SLC30A8: variants seen among roughly 807,000 people sequenced by gnomAD.
SLC30A8 encodes the protein solute carrier family 30 member 8, also known as proton-coupled zinc antiporter SLC30A8.
Under a neutral mutation model 36.9 loss-of-function variants are expected in SLC30A8, and 27 were observed. The ratio of observed to expected loss-of-function variants is 0.73; its 90% CI spans 0.54 to 1.01. The LOEUF is 1.01. Among genes scored for constraint, SLC30A8 ranks in the 50% least tolerant of loss-of-function variants. The pLI, the probability that SLC30A8 is intolerant of heterozygous loss-of-function variation, is 0.00. For synonymous variants in SLC30A8, 164 were observed against 172.4 expected (o/e 0.95, Z 0.38); for missense variants, 439 against 452.0 (o/e 0.97, Z 0.26).
intron 6 of SLC30A8, 33 bp downstream of exon 6, chr8:117,163,563 A>T: frequency 6.7e-7 from 1 of 1,500,066 alleles, no homozygotes; most frequent in Non-Finnish European, 9.2e-7. Context: ...TCCCAGAGTC[A>T]GTGTTTTCTC....
At chr8:117,148,821 C>A (rs1342642815) in intron 2 of SLC30A8, among the ~76,000 whole-genome samples, 1 of 151,996 alleles carries the variant, frequency 6.6e-6, no homozygotes, top group East Asian at 1.9e-4. Flanking sequence ...TGCAGTCCAC[C>A]GTTTTTCATG....
intron 1 of SLC30A8, among the ~76,000 whole-genome samples, chr8:116,987,959 A>G (rs1202262652): frequency 6.6e-6 from 1 of 152,206 alleles, no homozygotes; most frequent in Admixed American, 6.5e-5. Flanking sequence ...TTGGCCTCCC[A>G]AAGTGCTGGG....
chr8:117,173,809 G>C lies in SLC30A8; in HGVS notation c.*1128G>C. On this transcript the variant is annotated 3_prime_UTR_variant, in exon 8 of 8. Coordinates refer to ENST00000456015, the MANE Select transcript of SLC30A8 (RefSeq NM_173851.3). ...GTCAACCACAGGAGTTCATTGAGTG[G>C]GACAGCTAGACACATACATTGGCAG... 6.6e-6 allele frequency: 1 copy of C among 152,120 alleles called. No individual in the cohort carries two copies. Among genetic ancestry groups the C allele is most frequent in the East Asian group, 1.9e-4 (1 of 5,172 alleles). 9.4% of individuals were successfully genotyped at this position (152,120 alleles called of 1,614,324 possible).
At chr8:117,143,498 A>T (rs1457287178) in intron 1 of SLC30A8, among the ~76,000 whole-genome samples, 1 of 152,164 alleles carries the variant, frequency 6.6e-6, no homozygotes, top group African/African-American at 2.4e-5. Context: ...CTTAAAATTC[A>T]CATCATTGTT....
At chr8:117,103,596 T>G (rs1309835017) in intron 2 of SLC30A8, among the ~76,000 whole-genome samples, 1 of 152,174 alleles carries the variant, frequency 6.6e-6, no homozygotes, top group Admixed American at 6.5e-5. Flanking sequence ...TGCCTCACCT[T>G]CCCAAGTAGC....
At chr8:117,067,677 T>C (rs1818210745) in intron 2 of SLC30A8, among the ~76,000 whole-genome samples, 1 of 152,176 alleles carries the variant, frequency 6.6e-6, no homozygotes, top group Admixed American at 6.5e-5. Flanking sequence ...GCTGTTCAGT[T>C]TTTTGTTGAT....
chr8:117,104,880 C>G (rs556515832), intron 2 of SLC30A8, among the ~76,000 whole-genome samples: 7 of 152,212 alleles, frequency 4.6e-5, no homozygotes, highest in Admixed American at 1.3e-4. Flanking sequence ...ACTGGGGGTT[C>G]CTTCCCCTTT....
At chr8:117,131,413 C>T (rs964331343), upstream of SLC30A8, among the ~76,000 whole-genome samples, 3 of 151,962 alleles carry the variant, frequency 2.0e-5, no homozygotes, top group African/African-American at 7.2e-5. Context: ...AGTCCAGAAT[C>T]TTTAGTGGGT....
At chr8:117,024,797 T>C (rs1341731212) in intron 1 of SLC30A8, among the ~76,000 whole-genome samples, 1 of 152,204 alleles carries the variant, frequency 6.6e-6, no homozygotes, top group African/African-American at 2.4e-5. Flanking sequence ...TATTTGTTTT[T>C]TTTAATTTTT....
At chr8:117,076,608 G>A (rs866055753) in intron 2 of SLC30A8, among the ~76,000 whole-genome samples, 1 of 152,128 alleles carries the variant, frequency 6.6e-6, no homozygotes. Context: ...AACACAGGAA[G>A]TATTCCTTTC....
In SLC30A8 at chr8:116,962,362, A is replaced by T. The variant is rs530859182; in HGVS notation, c.-266+11243A>T. Among the ~76,000 whole-genome samples the T allele has an allele frequency of 1.1e-3, 171 of 152,138 alleles. 2 individuals are homozygous for T. The highest frequency in any genetic ancestry group is 1.9e-3 in the Non-Finnish European group (130 of 67,960). ...TGCCAAGAAAAGCCATGCCACCTGCATATAAAAAATGATTATGTTAATGCT... is the reference window on the plus strand; with the variant it reads ...TGCCAAGAAAAGCCATGCCACCTGCTTATAAAAAATGATTATGTTAATGCT... On this transcript the variant is annotated intron_variant, in intron 1 of 10. Coordinates refer to the SLC30A8 transcript ENST00000427715.
intron 1 of SLC30A8, among the ~76,000 whole-genome samples, chr8:117,034,805 A>C (rs1817161353): frequency 6.6e-6 from 1 of 152,208 alleles, no homozygotes; most frequent in Non-Finnish European, 1.5e-5. Flanking sequence ...AGTCCTCAGG[A>C]AACTCACAAT....
intron 2 of SLC30A8, among the ~76,000 whole-genome samples, chr8:117,068,943 C>T (rs1033444849): frequency 1.3e-5 from 2 of 152,098 alleles, no homozygotes; most frequent in Non-Finnish European, 2.9e-5. Flanking sequence ...CTCTCTCTCA[C>T]CTTTAACTGT....
In SLC30A8 at chr8:117,157,860, G is replaced by A; in HGVS notation, c.572+16G>A. 6.2e-7 allele frequency: 1 copy of A among 1,613,398 alleles called. No homozygotes were observed. Among genetic ancestry groups the A allele is most frequent in the African/African-American group, 1.3e-5 (1 of 75,000 alleles). On this transcript the variant is annotated intron_variant, in intron 4 of 7. Coordinates refer to ENST00000456015, the MANE Select transcript of SLC30A8 (RefSeq NM_173851.3). ...CCAACATTGTGTAAGTCATCCCCTG[G>A]TCCCCACACACTGCTCATGAGGCTC...
intron 1 of SLC30A8, among the ~76,000 whole-genome samples, chr8:117,002,416 A>G (rs1470870779): frequency 6.6e-6 from 1 of 152,174 alleles, no homozygotes; most frequent in Non-Finnish European, 1.5e-5. Flanking sequence ...TAGAACTGAC[A>G]ACCTGTATTC....
chr8:117,080,417 G>A (rs2130810848), intron 2 of SLC30A8, among the ~76,000 whole-genome samples: 1 of 152,148 alleles, frequency 6.6e-6, no homozygotes, highest in Middle Eastern at 3.4e-3. Context: ...ACTGTGTGAT[G>A]CTGTGGTTTG....
At chr8:117,138,075 A>AG (rs1426455101) in intron 1 of SLC30A8, among the ~76,000 whole-genome samples, 78 of 148,182 alleles carry the variant, frequency 5.3e-4, no homozygotes, top group East Asian at 1.8e-3. Context: ...AAAAAAAAAA[A>AG]AAAAAGAAAA....
intron 1 of SLC30A8, among the ~76,000 whole-genome samples, chr8:116,953,180 C>T (rs1003252564): frequency 2.0e-5 from 3 of 152,184 alleles, no homozygotes; most frequent in African/African-American, 7.2e-5. Flanking sequence ...CAGCTGCATC[C>T]ATGTTGCTGC....
chr8:117,011,726 C>T (rs1816350294), intron 1 of SLC30A8, among the ~76,000 whole-genome samples: 1 of 152,170 alleles, frequency 6.6e-6, no homozygotes, highest in Non-Finnish European at 1.5e-5. Flanking sequence ...ACTCAATCCT[C>T]CAAAACTTCT....
Sources: allele counts gnomAD v4.1 joint callset (sites outside exome capture counted in the v4.1 genomes callset), GRCh38; gene constraint gnomAD v4.1.1; transcripts MANE v1.5; gene names NCBI Gene and HGNC (gene_info 2026-07-23, HGNC 2026-07-21).